Variants in KBTBD3 observed in about 807,000 individuals in gnomAD.
KBTBD3 encodes the protein kelch repeat and BTB domain containing 3.
Under a neutral mutation model 49.6 loss-of-function variants are expected in KBTBD3, and 38 were observed. The ratio of observed to expected loss-of-function variants is 0.77; its 90% confidence interval spans 0.59 to 1.00. KBTBD3 has a LOEUF of 1.00. Ranked by LOEUF, KBTBD3 falls within the 50% of genes least tolerant of loss-of-function variation. The pLI is 0.00. For synonymous variants in KBTBD3, 214 were observed against 250.4 expected (o/e 0.85, Z 1.37); for missense variants, 661 against 712.0 (o/e 0.93, Z 0.81).
At chr11:106,063,218 A>C (rs1860739202) in intron 2 of KBTBD3, among the ~76,000 whole-genome samples, 1 of 152,236 alleles carries the variant, frequency 6.6e-6, no homozygotes, top group South Asian at 2.1e-4. Context: ...CAAACAGCCA[A>C]CCAACCTGCT....
At chr11:106,056,292 T>C (rs572691918) in intron 3 of KBTBD3, among the ~76,000 whole-genome samples, 129 of 152,194 alleles carry the variant, frequency 8.5e-4, no homozygotes, top group Non-Finnish European at 1.6e-3. Context: ...ATTTTTGTTA[T>C]TTAAACCAGG....
rs1360219359 is a variant in KBTBD3 at position 106,076,689 on chromosome 11, A to C, written c.-195T>G. ...CGTGGGCTTTCATACGAGAGTCAACAACAGCCTACACGGAACAACTAAGGA... is the reference window on the plus strand; with the variant it reads ...CGTGGGCTTTCATACGAGAGTCAACCACAGCCTACACGGAACAACTAAGGA... On this transcript the variant is annotated 5_prime_UTR_variant, in exon 2 of 4. Coordinates refer to ENST00000531837, the MANE Select transcript of KBTBD3 (RefSeq NM_198439.3). 6.6e-6 allele frequency: 1 copy of C among 152,216 alleles called. No homozygotes were observed. Among genetic ancestry groups the C allele is most frequent in the Non-Finnish European group, 1.5e-5 (1 of 68,062 alleles). 9.4% of individuals were successfully genotyped at this position (152,216 alleles called of 1,614,324 possible). A position where few individuals can be genotyped will look rare whatever the true frequency, so the allele number is the denominator to read the frequency against.
chr11:106,053,508 G>C lies in KBTBD3; in HGVS notation c.1181C>G (p.Thr394Ser). The change falls in exon 4 of 4, where the codon ACC (threonine) becomes AGC (serine). Residue 394 changes from threonine to serine, a missense_variant. Coordinates refer to ENST00000531837, the MANE Select transcript of KBTBD3 (RefSeq NM_198439.3). Reference sequence around the variant, plus strand: ...GAGAGCCATAACTGATGTATGCATGGTTCTTGGTGTTTTCATAGTTGATAC... The same window carrying C: ...GAGAGCCATAACTGATGTATGCATGCTTCTTGGTGTTTTCATAGTTGATAC... ...FLVSTMKTPR[T>S]MHTSVMALDR... is the part of the protein sequence containing the mutation. 2 of 1,613,724 alleles carry C rather than the reference G, an allele frequency of 1.2e-6. No homozygotes were observed. The highest frequency in any genetic ancestry group is 2.2e-5 in the South Asian group (2 of 91,076).
At chr11:106,072,656 A>G (rs1940788) in intron 2 of KBTBD3, among the ~76,000 whole-genome samples, 187 of 152,308 alleles carry the variant, frequency 1.2e-3, no homozygotes, top group African/African-American at 4.3e-3. Flanking sequence ...AATGACAAAA[A>G]TCATATGCCA....
At position 106,054,151 on chromosome 11, in the gene KBTBD3, G is replaced by A. The variant is rs571410834; in HGVS notation, c.538C>T (p.His180Tyr). 4 of 1,612,858 alleles carry A rather than the reference G, an allele frequency of 2.5e-6. No individual in the cohort carries two copies. Among genetic ancestry groups the A allele is most frequent in the African/African-American group, 1.3e-5 (1 of 75,016 alleles). ...FDHALHFVQH[H>Y]FSLLFKSSDF... ...CTGGATTTAAATAATAAAGAAAAGTGATGTTGTACAAAGTGTAATGCATGA... is the reference window on the plus strand; with the variant it reads ...CTGGATTTAAATAATAAAGAAAAGTAATGTTGTACAAAGTGTAATGCATGA... The change falls in exon 4 of 4, where the codon CAC (histidine) becomes TAC (tyrosine). Residue 180 changes from histidine to tyrosine, a missense_variant. By Grantham distance (83) the His-to-Tyr change is moderately conservative. Transcript: ENST00000531837.
intron 2 of KBTBD3, among the ~76,000 whole-genome samples, chr11:106,067,370 G>A (rs1323815284): frequency 5.3e-5 from 8 of 152,150 alleles, no homozygotes; most frequent in Admixed American, 2.6e-4. Context: ...TGGGGAGGCC[G>A]AGGAGGGCAG....
At position 106,077,320 on chromosome 11, in the gene KBTBD3, G is replaced by A. The variant is rs1380206454; in HGVS notation, c.-222C>T. On this transcript the variant is annotated 5_prime_UTR_variant, in exon 1 of 4. Coordinates refer to ENST00000531837, the MANE Select transcript of KBTBD3 (RefSeq NM_198439.3). Reference sequence around the variant, plus strand: ...CCCCGGAGCTCACCCACCTGCAACTGCAGTCTCCGAAGTCTCCACCCCAGT... The same window carrying A: ...CCCCGGAGCTCACCCACCTGCAACTACAGTCTCCGAAGTCTCCACCCCAGT... 2 of 199,946 alleles carry A rather than the reference G, an allele frequency of 1.0e-5. No individual in the cohort carries two copies. The highest frequency in any genetic ancestry group is 6.8e-5 in the South Asian group (1 of 14,632). The allele number at this position is 199,946 out of a possible 1,614,324, so 12.4% of individuals were successfully genotyped here.
At chr11:106,063,602 T>C (rs975551263) in intron 2 of KBTBD3, among the ~76,000 whole-genome samples, 2 of 152,212 alleles carry the variant, frequency 1.3e-5, no homozygotes, top group African/African-American at 2.4e-5. Flanking sequence ...GCAGATAAAC[T>C]ATATCTATCT....
intron 2 of KBTBD3, among the ~76,000 whole-genome samples, chr11:106,072,770 T>C (rs1860944687): frequency 6.6e-6 from 1 of 152,200 alleles, no homozygotes; most frequent in Non-Finnish European, 1.5e-5. Context: ...GATGTTTCAA[T>C]ATACAGCATG....
At chr11:106,073,658 G>A (rs1415773696) in intron 2 of KBTBD3, among the ~76,000 whole-genome samples, 1 of 152,166 alleles carries the variant, frequency 6.6e-6, no homozygotes, top group Non-Finnish European at 1.5e-5. Flanking sequence ...AGAAGGTAAG[G>A]GGTTGGTGGA....
intron 2 of KBTBD3, among the ~76,000 whole-genome samples, chr11:106,071,175 T>C (rs367879590): frequency 6.6e-6 from 1 of 152,070 alleles, no homozygotes; most frequent in African/African-American, 2.4e-5. Context: ...AAAATGCAAA[T>C]AAAACATAAT....
At chr11:106,056,641 T>C (rs1860557676) in intron 3 of KBTBD3, among the ~76,000 whole-genome samples, 1 of 152,250 alleles carries the variant, frequency 6.6e-6, no homozygotes, top group Admixed American at 6.5e-5. Flanking sequence ...ATTTAAGCAA[T>C]ATAATAATTC....
At chr11:106,060,630 C>T (rs1470387653) in intron 2 of KBTBD3, among the ~76,000 whole-genome samples, 1 of 152,112 alleles carries the variant, frequency 6.6e-6, no homozygotes, top group Non-Finnish European at 1.5e-5. Flanking sequence ...ACACCTTATA[C>T]AAAAATTAAC....
In KBTBD3 at chr11:106,064,543, C is replaced by CTAAATAAATAAATAAATAAATAAA. The variant is rs71041645; in HGVS notation, c.-12-5435_-12-5434insTTTATTTATTTATTTATTTATTTA. Among the ~76,000 whole-genome samples the CTAAATAAATAAATAAATAAATAAA allele has an allele frequency of 3.6e-3, 530 of 148,684 alleles. 4 individuals are homozygous for CTAAATAAATAAATAAATAAATAAA. The highest frequency in any genetic ancestry group is 0.012 in the African/African-American group (487 of 40,234). On this transcript the variant is annotated intron_variant, in intron 2 of 3. Coordinates refer to ENST00000531837, the MANE Select transcript of KBTBD3 (RefSeq NM_198439.3). The stretch of plus-strand genomic sequence containing the variant: ...TGGGTGACAGAGTGAGGCTCTGTTT[C>CTAAATAAATAAATAAATAAATAAA]TAAATAAATAAATAAATATAAAAGG...
chr11:106,064,543 C>CTAAATAAATAAATAAATAAATAAATAAA (rs71041645), intron 2 of KBTBD3, among the ~76,000 whole-genome samples: 105 of 148,694 alleles, frequency 7.1e-4, no homozygotes, highest in African/African-American at 2.5e-3. Flanking sequence ...GGCTCTGTTT[C>CTAAATAAATAAATAAATAAATAAATAAA]TAAATAAATA....
chr11:106,059,130 C>T (rs760877060), intron 2 of KBTBD3, 21 bp from the exon 3 acceptor site: 2 of 1,397,162 alleles, frequency 1.4e-6, no homozygotes, highest in Admixed American at 2.6e-5. Flanking sequence ...AACAAAATCA[C>T]CGATGTAGTA....
chr11:106,055,172 T>G (rs552535351), intron 3 of KBTBD3, among the ~76,000 whole-genome samples: 1 of 152,188 alleles, frequency 6.6e-6, no homozygotes, highest in Non-Finnish European at 1.5e-5. Flanking sequence ...TCATAATAAG[T>G]TTTGTTTTAT....
chr11:106,067,322 G>A (rs1307391917), intron 2 of KBTBD3, among the ~76,000 whole-genome samples: 1 of 152,188 alleles, frequency 6.6e-6, no homozygotes, highest in Non-Finnish European at 1.5e-5. Context: ...CATCTATGCA[G>A]GCCAGGCATG....
chr11:106,054,526 A>C, intron 3 of KBTBD3, 71 bp from the exon 4 acceptor site: 1 of 1,229,886 alleles, frequency 8.1e-7, no homozygotes, highest in Non-Finnish European at 1.1e-6. Flanking sequence ...TATTACCTTA[A>C]AGAGGTTTCC....
Sources: gnomAD v4.1 joint callset for allele counts (sites outside exome capture counted in the v4.1 genomes callset) on GRCh38, gnomAD v4.1.1 for gene constraint, MANE v1.5 for transcripts, NCBI Gene and HGNC (gene_info 2026-07-23, HGNC 2026-07-21) for gene names.